PMM2: variants seen among roughly 807,000 people sequenced by gnomAD.
PMM2 encodes the protein mannose-6-phosphate isomerase.
A neutral mutation model predicts 33.2 loss-of-function variants in PMM2; 35 were observed. The observed-to-expected ratio is 1.06, with a 90% confidence interval of 0.81 to 1.40. The LOEUF is 1.40. Ranked by LOEUF, PMM2 falls within the 40% of genes most tolerant of loss-of-function variation. The pLI is 0.00. For missense variants in PMM2, 386 were observed against 306.0 expected, an observed-to-expected ratio of 1.26 and a Z score of -1.95; for synonymous variants, 153 against 114.7, an observed-to-expected ratio of 1.33 and a Z score of -2.13.
At chr16:8,807,599 A>ACC (rs2060654838) in intron 4 of PMM2, 1 of 152,392 alleles carries the variant, frequency 6.6e-6, no homozygotes, top group African/African-American at 2.4e-5. Context: ...GGCTCAAGTG[A>ACC]TCCTCCTACC....
chr16:8,847,542 T>A, intron 7 of PMM2, 182 bp from the exon 8 acceptor site: 1 of 613,218 alleles, frequency 1.6e-6, no homozygotes, highest in Non-Finnish European at 2.9e-6. Flanking sequence ...AGGTTATAAA[T>A]CTCTTCTTAA....
At chr16:8,836,682 GTTTTA>G (rs1277018907) in intron 7 of PMM2, among the ~76,000 whole-genome samples, 1 of 151,988 alleles carries the variant, frequency 6.6e-6, no homozygotes, top group Non-Finnish European at 1.5e-5. Flanking sequence ...AATTTTTGGA[GTTTTA>G]TTTAATGTCG....
At chr16:8,801,713 C>A in intron 1 of PMM2, 86 bp from the exon 2 acceptor site, 1 of 844,446 alleles carries the variant, frequency 1.2e-6, no homozygotes, top group Non-Finnish European at 1.9e-6. Flanking sequence ...GAAAATAAGA[C>A]TTATGTACTT....
At chr16:8,820,962 G>C (rs148305934) in intron 7 of PMM2, among the ~76,000 whole-genome samples, 9 of 151,374 alleles carry the variant, frequency 5.9e-5, no homozygotes, top group Non-Finnish European at 1.2e-4. Context: ...CCTGTCCTCA[G>C]GTTCCAAGTT....
At chr16:8,847,276 C>T (rs554443020) in intron 7 of PMM2, among the ~76,000 whole-genome samples, 56 of 152,134 alleles carry the variant, frequency 3.7e-4, no homozygotes, top group African/African-American at 9.9e-4. Context: ...CCGCTGATGT[C>T]GCCACGTCCC....
At chr16:8,801,117 A>G (rs187104973) in intron 1 of PMM2, among the ~76,000 whole-genome samples, 31 of 152,386 alleles carry the variant, frequency 2.0e-4, no homozygotes, top group African/African-American at 7.2e-4. Context: ...TCACCACAGC[A>G]TAGTGCTGAA....
chr16:8,835,081 G>A (rs1454806966), intron 7 of PMM2, among the ~76,000 whole-genome samples: 1 of 147,620 alleles, frequency 6.8e-6, no homozygotes, highest in Non-Finnish European at 1.5e-5. Context: ...TGATTTTTAC[G>A]GCCTCTAAAA....
chr16:8,845,896 C>T (rs115731620), intron 7 of PMM2, among the ~76,000 whole-genome samples: 23 of 151,542 alleles, frequency 1.5e-4, no homozygotes, highest in South Asian at 8.3e-4. Flanking sequence ...GCAGGAGGTT[C>T]GCTCGAGCCC....
intron 2 of PMM2, among the ~76,000 whole-genome samples, chr16:8,804,024 T>TTTTGTTG (rs2060631044): frequency 1.1e-5 from 1 of 92,076 alleles, no homozygotes; most frequent in Non-Finnish European, 2.0e-5. Flanking sequence ...TTTTTTGGGT[T>TTTTGTTG]TTTTTTGTTT....
chr16:8,834,196 CTT>C (rs1020818715), intron 7 of PMM2, among the ~76,000 whole-genome samples: 2 of 152,146 alleles, frequency 1.3e-5, no homozygotes, highest in Non-Finnish European at 2.9e-5. Flanking sequence ...TTGTCCAGTC[CTT>C]TTTAAGTTGG....
chr16:8,828,641 AAAC>A (rs764785250), intron 7 of PMM2, among the ~76,000 whole-genome samples: 12 of 152,244 alleles, frequency 7.9e-5, no homozygotes, highest in Admixed American at 3.3e-4. Context: ...TCAGGACGTA[AAAC>A]AAGAGAAGAG....
intron 7 of PMM2, among the ~76,000 whole-genome samples, chr16:8,826,897 TA>T (rs1402057101): frequency 6.6e-6 from 1 of 152,206 alleles, no homozygotes; most frequent in Non-Finnish European, 1.5e-5. Context: ...CTTTCGTGAA[TA>T]ATCAGTCGTT....
chr16:8,804,037 T>TG (rs55979610), intron 2 of PMM2, among the ~76,000 whole-genome samples: 2,138 of 114,760 alleles, frequency 0.019, 32 homozygotes, highest in Middle Eastern at 0.059. Flanking sequence ...TTTTGTTTTT[T>TG]TTTTTTTTTT....
chr16:8,839,199 C>T (rs1315108930), intron 7 of PMM2, among the ~76,000 whole-genome samples: 1 of 151,876 alleles, frequency 6.6e-6, no homozygotes, highest in East Asian at 1.9e-4. Context: ...GCTCTTCGTT[C>T]CTATTTGCAA....
At chr16:8,847,620 C>T (rs2060935786) in intron 7 of PMM2, 104 bp from the exon 8 acceptor site, 1 of 806,802 alleles carries the variant, frequency 1.2e-6, no homozygotes, top group East Asian at 2.5e-5. Flanking sequence ...TCTCCCTGCC[C>T]AGTTAAATCT....
chr16:8,814,884 A>G (rs531704661), intron 7 of PMM2, among the ~76,000 whole-genome samples: 1 of 152,336 alleles, frequency 6.6e-6, no homozygotes, highest in African/African-American at 2.4e-5. Flanking sequence ...TGTACAATAC[A>G]GTATTGTTAA....
intron 7 of PMM2, among the ~76,000 whole-genome samples, chr16:8,838,451 G>A (rs2060867098): frequency 6.6e-6 from 1 of 151,938 alleles, no homozygotes; most frequent in East Asian, 1.9e-4. Flanking sequence ...TGAAGTATTG[G>A]GGCGGTGAAA....
At chr16:8,805,484 C>A (rs541289840) in intron 3 of PMM2, among the ~76,000 whole-genome samples, 1 of 152,344 alleles carries the variant, frequency 6.6e-6, no homozygotes, top group African/African-American at 2.4e-5. Context: ...CTCAGCCTCC[C>A]ACGTAGCAGG....
intron 7 of PMM2, 80 bp from the exon 8 acceptor site, chr16:8,847,643 AC>A (rs2060935880): frequency 2.0e-6 from 2 of 991,734 alleles, no homozygotes; most frequent in South Asian, 2.5e-5. Context: ...TTTTTTGGGT[AC>A]TTTTGGACTC....
Sources: allele counts gnomAD v4.1 joint callset (sites outside exome capture counted in the v4.1 genomes callset), GRCh38; gene constraint gnomAD v4.1.1; transcripts MANE v1.5; gene names NCBI Gene and HGNC (gene_info 2026-07-23, HGNC 2026-07-21).